ZFYVE28: variants seen among roughly 807,000 people sequenced by gnomAD.
The protein encoded by ZFYVE28 is lateral signaling target protein 2 homolog.
In ZFYVE28, 40 loss-of-function variants were observed where a neutral mutation model predicts 82.1. The ratio of observed to expected loss-of-function variants is 0.49; its 90% confidence interval spans 0.38 to 0.63. The LOEUF (loss-of-function observed/expected upper bound fraction) is 0.63, where lower values mean the gene tolerates loss of function less well. Ranked by LOEUF, ZFYVE28 falls within the 30% of genes least tolerant of loss-of-function variation. The pLI is 0.00. For missense variants in ZFYVE28, 1,321 were observed against 1,242.1 expected, an observed-to-expected ratio of 1.06 and a Z score of -0.96; for synonymous variants, 612 against 546.1, an observed-to-expected ratio of 1.12 and a Z score of -1.68.
At chr4:2,342,933 G>C (rs899363769) in intron 2 of ZFYVE28, 4 of 152,224 alleles carry the variant, frequency 2.6e-5, no homozygotes, top group African/African-American at 7.2e-5. Flanking sequence ...CCGAGGGCCT[G>C]TTTTCAGCCA....
intron 5 of ZFYVE28, among the ~76,000 whole-genome samples, chr4:2,336,552 G>T (rs1462224322): frequency 3.2e-5 from 4 of 125,496 alleles, no homozygotes; most frequent in Admixed American, 7.6e-5. Context: ...AATATTGATG[G>T]CTTCCCCCTG....
chr4:2,405,824 G>T (rs1325861630), intron 1 of ZFYVE28, among the ~76,000 whole-genome samples: 1 of 151,676 alleles, frequency 6.6e-6, no homozygotes, highest in Admixed American at 6.6e-5. Context: ...AAGGCAGGGG[G>T]ATCATCTGAG....
intron 1 of ZFYVE28, among the ~76,000 whole-genome samples, chr4:2,384,098 G>A (rs1729002932): frequency 6.6e-6 from 1 of 152,138 alleles, no homozygotes; most frequent in South Asian, 2.1e-4. Context: ...TTGGACTGGG[G>A]TACACAGAGT....
rs151169783 is a variant in ZFYVE28, at chr4:2,304,772, G to C, written c.1568C>G (p.Ser523Trp). The change falls in exon 8 of 13, where the codon TCG becomes TGG. Residue 523 changes from serine (S) to tryptophan (W), a missense_variant. Coordinates refer to ENST00000290974, the MANE Select transcript of ZFYVE28 (RefSeq NM_020972.3). ...GACCGCAGAGTCCAGGGAAGTGGGCGATTTGGGGTTGAAGATGACCGTGGC... is the reference window on the plus strand; with the variant it reads ...GACCGCAGAGTCCAGGGAAGTGGGCCATTTGGGGTTGAAGATGACCGTGGC... The part of the protein sequence containing the change: ...LSATVIFNPK[S>W]PTSLDSAVAT... 1 of 1,612,550 alleles carries C rather than the reference G, an allele frequency of 6.2e-7. No individual in the cohort carries two copies. Among genetic ancestry groups the C allele is most frequent in the Non-Finnish European group, 8.5e-7 (1 of 1,179,954 alleles).
intron 7 of ZFYVE28, chr4:2,316,215 T>C (rs1441047795): frequency 6.6e-6 from 1 of 152,280 alleles, no homozygotes; most frequent in Non-Finnish European, 1.5e-5. Flanking sequence ...AGTCTTGCTA[T>C]GTTGTCCTGG....
chr4:2,387,337 T>C (rs1453422582), intron 1 of ZFYVE28, among the ~76,000 whole-genome samples: 2 of 152,206 alleles, frequency 1.3e-5, no homozygotes, highest in Non-Finnish European at 2.9e-5. Context: ...CGGCCGGAAG[T>C]GACGCAACTC....
At chr4:2,306,122 C>T (rs1716534950) in intron 7 of ZFYVE28, among the ~76,000 whole-genome samples, 1 of 152,258 alleles carries the variant, frequency 6.6e-6, no homozygotes, top group African/African-American at 2.4e-5. Context: ...TGCAGCAGGG[C>T]ACCTGGCTGA....
At chr4:2,386,647 C>T (rs979791938) in intron 1 of ZFYVE28, among the ~76,000 whole-genome samples, 21 of 152,178 alleles carry the variant, frequency 1.4e-4, no homozygotes, top group African/African-American at 4.8e-4. Flanking sequence ...TGCCCTGGGA[C>T]GCCTGGGGTC....
At position 2,401,966 on chromosome 4, in the gene ZFYVE28, G is replaced by A. The variant is rs80134176; in HGVS notation, c.39+16319C>T. Among the ~76,000 whole-genome samples the A allele has an allele frequency of 2.5e-3, 388 of 152,340 alleles. 8 individuals are homozygous for A. In the East Asian group the frequency reaches 0.06, roughly 24 times the overall value. ...CCGTGTGCGTGGTGGTGGCCAGCCT[G>A]AGGGATTTGGGTCGGGCAGCTCACG... On this transcript the variant is annotated intron_variant, in intron 1 of 12. Coordinates refer to ENST00000290974, the MANE Select transcript of ZFYVE28 (RefSeq NM_020972.3).
rs777556674 is a variant in ZFYVE28, at chr4:2,354,032, G to A, written c.81C>T (p.Asp27=). Residue 27 remains aspartate (D), a synonymous_variant, in exon 2 of 13, where the codon GAC becomes GAT. Transcript: ENST00000290974. The part of the protein sequence containing the change: ...PQLLARFYYA[D]EELNQVAAEL... ...CCGCGGCCACCTGGTTCAGCTCCTC[G>A]TCGGCATAGTAGAACCGGGCAAGCA... 34 of 1,579,648 alleles carry A rather than the reference G, an allele frequency of 2.2e-5. 1 individual carries two copies. The highest frequency in any genetic ancestry group is 3.3e-4 in the Middle Eastern group (2 of 6,018).
intron 3 of ZFYVE28, among the ~76,000 whole-genome samples, chr4:2,340,934 G>A (rs548299713): frequency 4.6e-5 from 7 of 152,190 alleles, no homozygotes; most frequent in Admixed American, 1.3e-4. Flanking sequence ...GGTCAGGCTC[G>A]GGAGCACGGC....
chr4:2,297,844 G>T (rs1714851069), intron 8 of ZFYVE28, among the ~76,000 whole-genome samples: 1 of 149,782 alleles, frequency 6.7e-6, no homozygotes, highest in Non-Finnish European at 1.5e-5. Context: ...GTGACACAGT[G>T]ACACGGCGGG....
chr4:2,382,700 C>T (rs1463117880), intron 1 of ZFYVE28, among the ~76,000 whole-genome samples: 1 of 152,176 alleles, frequency 6.6e-6, no homozygotes, highest in Non-Finnish European at 1.5e-5. Flanking sequence ...AGACTTTTGA[C>T]TGTGGACTTT....
chr4:2,352,140 G>A (rs953643055), intron 2 of ZFYVE28, among the ~76,000 whole-genome samples: 1 of 152,140 alleles, frequency 6.6e-6, no homozygotes, highest in African/African-American at 2.4e-5. Context: ...ATGTATAAAT[G>A]GACCTGTGCA....
Position 2,300,358 on chromosome 4 carries a change from T to C in ZFYVE28, c.2051+3931A>G, listed in dbSNP as rs1452971419. ...AGGGAAAATAAGCTTTTAAAAAATG[T>C]CAACTTCTCCAAAAGGATTCATTGA... On this transcript the variant is annotated intron_variant, in intron 8 of 12. Coordinates refer to ENST00000290974, the MANE Select transcript of ZFYVE28 (RefSeq NM_020972.3). This position sits in a 1 kb window ranked among gnomAD's most constrained non-coding sequence, Gnocchi z 4.6. Among the ~76,000 whole-genome samples the C allele has an allele frequency of 6.6e-6, 1 of 152,064 alleles. No individual in the cohort carries two copies. Among genetic ancestry groups the C allele is most frequent in the East Asian group, 1.9e-4 (1 of 5,188 alleles).
chr4:2,383,513 G>A (rs903068862), intron 1 of ZFYVE28, among the ~76,000 whole-genome samples: 3 of 152,142 alleles, frequency 2.0e-5, no homozygotes, highest in Non-Finnish European at 2.9e-5. Flanking sequence ...TATCAGCAGC[G>A]TGAAAACAGA....
At chr4:2,379,037 G>C (rs1413862126) in intron 1 of ZFYVE28, among the ~76,000 whole-genome samples, 1 of 152,180 alleles carries the variant, frequency 6.6e-6, no homozygotes, top group Non-Finnish European at 1.5e-5. Context: ...CCACTGGGAA[G>C]GTGTCCAGAA....
Position 2,341,750 on chromosome 4 carries a change from T to G in ZFYVE28, c.181-135A>C, listed in dbSNP as rs1722848906. On this transcript the variant is annotated intron_variant, in intron 2 of 12. Coordinates refer to ENST00000290974, the MANE Select transcript of ZFYVE28 (RefSeq NM_020972.3). The surrounding 1 kb of genome is among the most constrained non-coding windows in gnomAD (Gnocchi z 4.5). The stretch of plus-strand genomic sequence containing the variant: ...AAGTGATAGAGGAGGCTAGGCACGG[T>G]GGCTCATGCCTATAATGCCAGCACT... The G allele has an allele frequency of 1.5e-6, 2 of 1,297,562 alleles. No individual in the cohort carries two copies. Among genetic ancestry groups the G allele is most frequent in the African/African-American group, 1.5e-5 (1 of 67,616 alleles). 80.4% of individuals were successfully genotyped at this position (1,297,562 alleles called of 1,614,324 possible).
chr4:2,395,105 T>G (rs960975960), intron 1 of ZFYVE28, among the ~76,000 whole-genome samples: 2 of 152,136 alleles, frequency 1.3e-5, no homozygotes, highest in Non-Finnish European at 2.9e-5. Flanking sequence ...CTCTCCTCAG[T>G]TTGAATTGCC....
Sources: gnomAD v4.1 joint callset for allele counts (sites outside exome capture counted in the v4.1 genomes callset) on GRCh38, gnomAD v4.1.1 for gene constraint, Gnocchi (gnomAD v3.1) non-coding constraint, MANE v1.5 for transcripts, NCBI Gene and HGNC (gene_info 2026-07-23, HGNC 2026-07-21) for gene names.